Variants in ATRNL1 observed in about 807,000 individuals in gnomAD.
The protein encoded by ATRNL1 is attractin like 1, also known as attractin-like protein 1.
In ATRNL1, 95 loss-of-function variants were observed where a neutral mutation model predicts 182.7. The ratio of observed to expected loss-of-function variants is 0.52; its 90% CI spans 0.44 to 0.62. The LOEUF (loss-of-function observed/expected upper bound fraction) is 0.62, where lower values mean the gene tolerates loss of function less well. Among genes scored for constraint, ATRNL1 ranks in the 20% least tolerant of loss-of-function variants. The pLI, the probability that ATRNL1 is intolerant of heterozygous loss-of-function variation, is 0.00. For synonymous variants in ATRNL1, 576 were observed against 568.3 expected (o/e 1.01, Z -0.19); for missense variants, 1,471 against 1,679.5 (o/e 0.88, Z 2.17).
chr10:115,268,477 A>G (rs1554911697), intron 13 of ATRNL1, 33 bp downstream of exon 13: 2 of 1,372,960 alleles, frequency 1.5e-6, no homozygotes, highest in Admixed American at 3.4e-5. Flanking sequence ...TGCTGTAGTT[A>G]CAACAGACTG....
At chr10:115,733,828 C>A (rs1481333272) in intron 27 of ATRNL1, among the ~76,000 whole-genome samples, 1 of 152,076 alleles carries the variant, frequency 6.6e-6, no homozygotes, top group African/African-American at 2.4e-5. Flanking sequence ...AGAATACATC[C>A]TCATTATAGA....
chr10:115,556,908 G>T (rs1267182467), intron 26 of ATRNL1, among the ~76,000 whole-genome samples: 1 of 150,994 alleles, frequency 6.6e-6, no homozygotes, highest in African/African-American at 2.4e-5. Flanking sequence ...GTGTGTATTT[G>T]CATGCCATTC....
chr10:115,891,743 T>A (rs1347403723), intron 28 of ATRNL1, among the ~76,000 whole-genome samples: 1 of 152,154 alleles, frequency 6.6e-6, no homozygotes, highest in Non-Finnish European at 1.5e-5. Context: ...TAGCTTTAGT[T>A]TTCTTTTGTT....
intron 26 of ATRNL1, among the ~76,000 whole-genome samples, chr10:115,725,708 G>A (rs886848380): frequency 2.7e-5 from 4 of 150,252 alleles, no homozygotes; most frequent in African/African-American, 4.9e-5. Flanking sequence ...TACCAAAGAC[G>A]AAGAACCTGG....
chr10:115,475,624 G>C (rs1409919428), intron 24 of ATRNL1, among the ~76,000 whole-genome samples: 3 of 151,368 alleles, frequency 2.0e-5, no homozygotes, highest in African/African-American at 7.3e-5. Flanking sequence ...ATAAAATGAA[G>C]ATTACTAGTG....
At chr10:115,364,446 A>C (rs1856915862) in intron 19 of ATRNL1, among the ~76,000 whole-genome samples, 1 of 148,386 alleles carries the variant, frequency 6.7e-6, no homozygotes, top group South Asian at 2.2e-4. Flanking sequence ...TTCTAGATAT[A>C]CAATCATATC....
chr10:115,171,159 T>G lies in ATRNL1; in HGVS notation c.1215T>G (p.His405Gln). Residue 405 changes from histidine (H) to glutamine (Q), a missense_variant, in exon 8 of 29, where the codon CAT (histidine) becomes CAG (glutamine). Transcript: ENST00000355044. ...WSTKTPTVLG[H>Q]GQQYAVEGHS... ...CAAAAACTCCTACTGTTCTTGGACA[T>G]GGTCAGCAGTATGCTGTGGAGGGAC... 2.5e-6 allele frequency: 4 copies of G among 1,611,672 alleles called. No homozygotes were observed. Among genetic ancestry groups the G allele is most frequent in the Non-Finnish European group, 3.4e-6 (4 of 1,178,392 alleles).
chr10:115,094,007 TG>T lies in ATRNL1; in HGVS notation c.262del (p.Asp88ThrfsTer12). 1 of 1,577,234 alleles carries T rather than the reference TG, an allele frequency of 6.3e-7. No homozygotes were observed. The highest frequency in any genetic ancestry group is 8.6e-7 in the Non-Finnish European group (1 of 1,163,366). On this transcript the variant is annotated frameshift_variant, in exon 1 of 29. Transcript: ENST00000355044. LOFTEE classifies it high-confidence loss of function. Reference protein sequence around the residue: ...NSTCLCDPGWVGDQCQHCQGR... With the variant: ...NSTCLCDPGWXGDQCQHCQGR... ...ACCTGCCTCTGCGACCCGGGCTGGG[TG>T]GGGGACCAGTGCCAGCACTGCCAGG...
intron 26 of ATRNL1, among the ~76,000 whole-genome samples, chr10:115,691,727 C>T (rs1330752063): frequency 2.0e-5 from 3 of 151,982 alleles, no homozygotes; most frequent in African/African-American, 7.3e-5. Context: ...GTCTAAAAAT[C>T]AATCAATCAA....
At chr10:115,221,620 C>A (rs1425004686) in intron 9 of ATRNL1, among the ~76,000 whole-genome samples, 1 of 152,144 alleles carries the variant, frequency 6.6e-6, no homozygotes, top group East Asian at 1.9e-4. Flanking sequence ...TAATTTTAAC[C>A]TTGAGACAGT....
chr10:115,204,315 T>A (rs1848717161), intron 8 of ATRNL1, among the ~76,000 whole-genome samples: 1 of 152,086 alleles, frequency 6.6e-6, no homozygotes, highest in South Asian at 2.1e-4. Context: ...GGCTAGGGCT[T>A]CTTGTATTAT....
At chr10:115,604,823 C>T (rs1011164385) in intron 26 of ATRNL1, among the ~76,000 whole-genome samples, 3 of 152,098 alleles carry the variant, frequency 2.0e-5, no homozygotes, top group South Asian at 4.1e-4. Context: ...TTATTTATGG[C>T]GGGAGGTTAA....
chr10:115,650,778 G>A (rs573181269), intron 26 of ATRNL1, among the ~76,000 whole-genome samples: 1 of 152,132 alleles, frequency 6.6e-6, no homozygotes, highest in East Asian at 1.9e-4. Context: ...AAGAGCTTAT[G>A]GAGTGTTGTG....
chr10:115,769,588 G>A (rs1215721334), intron 27 of ATRNL1, among the ~76,000 whole-genome samples: 1 of 152,122 alleles, frequency 6.6e-6, no homozygotes, highest in Admixed American at 6.5e-5. Context: ...AACGGGCTAT[G>A]CTGTTTTGAG....
chr10:115,389,575 T>TAC lies in ATRNL1; in HGVS notation c.3176-5083_3176-5082insCA, dbSNP rs1564990222. ...ATATATATATATATATATATATATA[T>TAC]ATATATATATATATATTTCATCCAA... is the stretch of plus-strand genomic sequence containing the variant. On this transcript the variant is annotated intron_variant, in intron 19 of 28. Coordinates refer to ENST00000355044, the MANE Select transcript of ATRNL1 (RefSeq NM_207303.4). Among the ~76,000 whole-genome samples the TAC allele has an allele frequency of 3.4e-5, 4 of 118,338 alleles. No individual in the cohort carries two copies. The South Asian group carries it at 1.1e-3, about 32-fold the overall frequency. 77.6% of individuals were successfully genotyped at this position (118,338 alleles called of 152,430 possible).
At chr10:115,781,461 T>C (rs1949263995) in intron 27 of ATRNL1, among the ~76,000 whole-genome samples, 1 of 152,190 alleles carries the variant, frequency 6.6e-6, no homozygotes, top group Non-Finnish European at 1.5e-5. Flanking sequence ...GATAAATACA[T>C]TTTAGTATAG....
intron 5 of ATRNL1, among the ~76,000 whole-genome samples, chr10:115,142,919 A>G (rs1948446391): frequency 6.6e-6 from 1 of 152,200 alleles, no homozygotes. Context: ...GTCATCAACT[A>G]ATATGAGGAA....
chr10:115,480,654 A>G (rs1848723971), intron 24 of ATRNL1, among the ~76,000 whole-genome samples: 1 of 151,144 alleles, frequency 6.6e-6, no homozygotes, highest in African/African-American at 2.4e-5. Context: ...TAATAGCTAT[A>G]AAATAATACT....
intron 27 of ATRNL1, among the ~76,000 whole-genome samples, chr10:115,749,994 T>C (rs569153646): frequency 6.7e-6 from 1 of 148,208 alleles, no homozygotes; most frequent in South Asian, 2.1e-4. Context: ...AACATTTGTA[T>C]CTAAACATAA....
Sources: allele counts gnomAD v4.1 joint callset (sites outside exome capture counted in the v4.1 genomes callset), GRCh38; gene constraint gnomAD v4.1.1; transcripts MANE v1.5; gene names NCBI Gene and HGNC (gene_info 2026-07-23, HGNC 2026-07-21).